TXNRD2: variants seen among roughly 807,000 people sequenced by gnomAD.
TXNRD2 encodes the protein thioredoxin reductase 2, mitochondrial.
TXNRD2 carries 67 observed loss-of-function variants against 70.8 expected under a neutral mutation model. The observed-to-expected ratio is 0.95, with a 90% CI of 0.78 to 1.16. TXNRD2 has a LOEUF of 1.16. Among genes scored for constraint, TXNRD2 ranks in the 50% most tolerant of loss-of-function variants. The probability of loss-of-function intolerance (pLI) is 0.00; values close to 1 mark genes in which losing one functional copy is unlikely to be tolerated. For synonymous variants in TXNRD2, 301 were observed against 295.8 expected (o/e 1.02, Z -0.18); for missense variants, 644 against 719.9 (o/e 0.89, Z 1.21).
At chr22:19,903,611 C>T (rs1257147243) in intron 8 of TXNRD2, among the ~76,000 whole-genome samples, 3 of 152,190 alleles carry the variant, frequency 2.0e-5, no homozygotes, top group Non-Finnish European at 4.4e-5. Context: ...GAAGATTGTG[C>T]GGCTGTGGGA....
intron 11 of TXNRD2, chr22:19,893,752 C>T (rs1357531647): frequency 6.6e-6 from 1 of 152,348 alleles, no homozygotes; most frequent in African/African-American, 2.4e-5. Flanking sequence ...GGGAAACGCC[C>T]AGGCCTCTGC....
At chr22:19,879,075 GC>G (rs1245853840) in intron 14 of TXNRD2, among the ~76,000 whole-genome samples, 5 of 152,240 alleles carry the variant, frequency 3.3e-5, no homozygotes, top group African/African-American at 1.2e-4. Context: ...AGAGTATTTG[GC>G]CATTCAACAT....
At chr22:19,932,985 G>A (rs1941421658) in intron 1 of TXNRD2, among the ~76,000 whole-genome samples, 1 of 152,206 alleles carries the variant, frequency 6.6e-6, no homozygotes, top group South Asian at 2.1e-4. Context: ...GACAGGTCTA[G>A]AACATGCACT....
At chr22:19,909,479 C>T (rs1470870171) in intron 8 of TXNRD2, among the ~76,000 whole-genome samples, 2 of 150,966 alleles carry the variant, frequency 1.3e-5, no homozygotes, top group Admixed American at 1.3e-4. Context: ...CAATGACAAG[C>T]AGAGCATGTG....
intron 2 of TXNRD2, among the ~76,000 whole-genome samples, chr22:19,925,169 A>C (rs564405044): frequency 6.6e-6 from 1 of 151,832 alleles, no homozygotes; most frequent in Non-Finnish European, 1.5e-5. Flanking sequence ...CTGTAGTCCC[A>C]GCTACTCAGG....
At position 19,916,718 on chromosome 22, in the gene TXNRD2, A is replaced by C. The variant is rs7285269; in HGVS notation, c.450-875T>G. 4.8e-3 allele frequency among the ~76,000 whole-genome samples: 728 copies of C among 151,638 alleles called. 6 individuals are homozygous for C. The highest frequency in any genetic ancestry group is 0.017 in the African/African-American group (701 of 41,272). On this transcript the variant is annotated intron_variant, in intron 5 of 17. Coordinates refer to ENST00000400521, the MANE Select transcript of TXNRD2 (RefSeq NM_006440.5). ...GCAGTGGCATGATCATAGCTCACGG[A>C]AGCCTTGTTTCAAGTAACTGGAACT...
At chr22:19,880,310 C>T (rs977323115) in intron 13 of TXNRD2, 39 bp from the exon 14 acceptor site, 1 of 1,599,366 alleles carries the variant, frequency 6.3e-7, no homozygotes, top group South Asian at 1.1e-5. Context: ...CCCTTGGGCC[C>T]CGAAAACCGA....
At chr22:19,915,155 C>T (rs946331768) in intron 7 of TXNRD2, 59 bp downstream of exon 7, 3 of 1,559,196 alleles carry the variant, frequency 1.9e-6, no homozygotes, top group Middle Eastern at 1.7e-4. Context: ...AAACGTATCC[C>T]TCAAAGAGGC....
At chr22:19,932,617 T>G (rs371321989) in intron 1 of TXNRD2, 2 of 1,411,496 alleles carry the variant, frequency 1.4e-6, no homozygotes, top group Admixed American at 2.5e-5. Context: ...TAGCAAGTCA[T>G]CAGTCTGCTG....
intron 1 of TXNRD2, chr22:19,933,446 G>A: frequency 3.9e-6 from 5 of 1,289,720 alleles, no homozygotes; most frequent in Non-Finnish European, 5.1e-6. Context: ...TCCATGGCAG[G>A]TGCCTGTCCT....
rs927507963 is a variant in TXNRD2, at chr22:19,897,095, C to T, written c.774+944G>A. Reference sequence around the variant, plus strand: ...GGCTCTGAGGCCTTCCTAGACACTGCGTCCCTACCACAGGGCTCGGTGGGT... The same window carrying T: ...GGCTCTGAGGCCTTCCTAGACACTGTGTCCCTACCACAGGGCTCGGTGGGT... On this transcript the variant is annotated intron_variant, in intron 10 of 17. Transcript: ENST00000400521. Among the ~76,000 whole-genome samples, 8 of 152,212 alleles carry T rather than the reference C, an allele frequency of 5.3e-5. No homozygotes were observed. In the East Asian group the frequency reaches 9.6e-4, roughly 18 times the overall value.
intron 9 of TXNRD2, among the ~76,000 whole-genome samples, chr22:19,898,824 T>C (rs1263636021): frequency 2.0e-5 from 3 of 152,124 alleles, no homozygotes; most frequent in African/African-American, 4.8e-5. Flanking sequence ...AGCTGCCTCA[T>C]GGCCATGTCC....
intron 8 of TXNRD2, among the ~76,000 whole-genome samples, chr22:19,901,622 C>T (rs902002414): frequency 1.3e-5 from 2 of 152,156 alleles, no homozygotes; most frequent in African/African-American, 4.8e-5. Flanking sequence ...CAGAGAACTC[C>T]GTTCAGACCA....
intron 11 of TXNRD2, chr22:19,895,161 T>C (rs748170273): frequency 2.3e-5 from 36 of 1,598,350 alleles, no homozygotes; most frequent in Non-Finnish European, 2.8e-5. Flanking sequence ...TTTTCCAGCA[T>C]GTCCCACGGT....
At chr22:19,926,550 G>A (rs1941152495) in intron 2 of TXNRD2, among the ~76,000 whole-genome samples, 1 of 150,568 alleles carries the variant, frequency 6.6e-6, no homozygotes, top group Admixed American at 6.6e-5. Flanking sequence ...GGCCAAGGTG[G>A]GTGGAACACT....
chr22:19,912,563 G>A (rs917284167), intron 7 of TXNRD2, among the ~76,000 whole-genome samples: 4 of 152,348 alleles, frequency 2.6e-5, no homozygotes, highest in Non-Finnish European at 4.4e-5. Context: ...CCCAATGACC[G>A]CTGGGCTGCT....
intron 2 of TXNRD2, among the ~76,000 whole-genome samples, chr22:19,923,914 G>T (rs1460407499): frequency 7.0e-6 from 1 of 142,820 alleles, no homozygotes; most frequent in Non-Finnish European, 1.5e-5. Context: ...GCCTTGCCTG[G>T]TAACTTGGGT....
intron 2 of TXNRD2, among the ~76,000 whole-genome samples, chr22:19,929,080 C>A (rs1941262568): frequency 6.6e-6 from 1 of 150,648 alleles, no homozygotes; most frequent in Non-Finnish European, 1.5e-5. Flanking sequence ...GTAATCCCAG[C>A]ACTTTGGGAG....
intron 1 of TXNRD2, chr22:19,941,500 T>A (rs1386944579): frequency 1.1e-6 from 1 of 928,794 alleles, no homozygotes; most frequent in African/African-American, 1.8e-5. Context: ...CCAGCCCCAG[T>A]TTCCCCACCT....
Sources: allele counts gnomAD v4.1 joint callset (sites outside exome capture counted in the v4.1 genomes callset), GRCh38; gene constraint gnomAD v4.1.1; transcripts MANE v1.5; gene names NCBI Gene and HGNC (gene_info 2026-07-23, HGNC 2026-07-21).